ERC2: variants seen among roughly 807,000 people sequenced by gnomAD.
The protein encoded by ERC2 is ELKS/RAB6-interacting/CAST family member 2.
ERC2 carries 42 observed loss-of-function variants against 114.8 expected under a neutral mutation model. The ratio of observed to expected loss-of-function variants is 0.37; its 90% CI spans 0.29 to 0.47. ERC2 has a LOEUF of 0.47. ERC2 is among the 20% of genes least tolerant of loss of function. The probability of loss-of-function intolerance (pLI) is 0.99; values close to 1 mark genes in which losing one functional copy is unlikely to be tolerated. For missense variants in ERC2, 939 were observed against 1,150.7 expected, an observed-to-expected ratio of 0.82 and a Z score of 2.66; for synonymous variants, 454 against 425.5, an observed-to-expected ratio of 1.07 and a Z score of -0.82.
intron 6 of ERC2, among the ~76,000 whole-genome samples, chr3:56,084,290 C>T (rs79219495): frequency 0.019 from 2,898 of 152,160 alleles, 98 homozygotes; most frequent in African/African-American, 0.067. Context: ...AAAACCTCTA[C>T]GGAAAACAAC....
At chr3:55,682,102 A>G (rs1021149785) in intron 17 of ERC2, among the ~76,000 whole-genome samples, 6 of 152,230 alleles carry the variant, frequency 3.9e-5, no homozygotes, top group Non-Finnish European at 7.3e-5. Flanking sequence ...TTTTAACGCT[A>G]TAAAACGCTT....
At chr3:55,989,932 C>G (rs571353579) in intron 11 of ERC2, among the ~76,000 whole-genome samples, 1 of 152,296 alleles carries the variant, frequency 6.6e-6, no homozygotes, top group South Asian at 2.1e-4. Context: ...GAGCAGTGGA[C>G]TAGGAATCAG....
At chr3:55,758,103 T>A (rs2067176825) in intron 14 of ERC2, among the ~76,000 whole-genome samples, 1 of 152,190 alleles carries the variant, frequency 6.6e-6, no homozygotes, top group Non-Finnish European at 1.5e-5. Context: ...AGCAATTTTG[T>A]GAATTGTGCC....
intron 2 of ERC2, among the ~76,000 whole-genome samples, chr3:56,414,370 C>T (rs2061061843): frequency 6.6e-6 from 1 of 152,132 alleles, no homozygotes; most frequent in South Asian, 2.1e-4. Flanking sequence ...AGGCCCTTTC[C>T]CATTTTCTGG....
At chr3:56,353,399 C>A (rs2058623358) in intron 2 of ERC2, among the ~76,000 whole-genome samples, 1 of 151,850 alleles carries the variant, frequency 6.6e-6, no homozygotes, top group Admixed American at 6.6e-5. Context: ...CCAAAAGGAA[C>A]CAACCCAAAT....
chr3:55,992,128 C>T lies in ERC2; in HGVS notation c.2184G>A (p.Arg728=), dbSNP rs759811771. The stretch of plus-strand genomic sequence containing the variant: ...CCACCTCCTTGAGGATCTCCAGCAA[C>T]CGGTCCACTTCCGCTTGGGCCTTGC... ...ECGKAQAEVD[R]LLEILKEVEN... is the part of the protein sequence containing the mutation. Residue 728 remains arginine (R), a synonymous_variant, in exon 11 of 18, where the codon CGG becomes CGA. Coordinates refer to ENST00000288221, the MANE Select transcript of ERC2 (RefSeq NM_015576.3). The T allele has an allele frequency of 7.6e-5, 123 of 1,613,874 alleles. No homozygotes were observed. Among genetic ancestry groups the T allele is most frequent in the Non-Finnish European group, 1.0e-4 (122 of 1,179,916 alleles).
chr3:55,898,440 T>C (rs896421899), intron 13 of ERC2, among the ~76,000 whole-genome samples: 6 of 152,194 alleles, frequency 3.9e-5, no homozygotes, highest in African/African-American at 1.2e-4. Context: ...TCAGAAAGCC[T>C]AGGTCCCCAT....
At chr3:56,367,762 A>G (rs1250260737) in intron 2 of ERC2, among the ~76,000 whole-genome samples, 1 of 152,160 alleles carries the variant, frequency 6.6e-6, no homozygotes, top group Non-Finnish European at 1.5e-5. Flanking sequence ...AATCCTGAAT[A>G]GCAAAAGCTA....
chr3:56,183,314 C>G (rs2083392143), intron 3 of ERC2, among the ~76,000 whole-genome samples: 1 of 152,198 alleles, frequency 6.6e-6, no homozygotes, highest in Non-Finnish European at 1.5e-5. Context: ...TTTAAATTTA[C>G]CCTCTAGAGT....
At chr3:55,704,042 G>A (rs1205594585) in intron 15 of ERC2, among the ~76,000 whole-genome samples, 1 of 152,166 alleles carries the variant, frequency 6.6e-6, no homozygotes, top group African/African-American at 2.4e-5. Flanking sequence ...GGGAGCAGGA[G>A]CCTTTAGAAA....
chr3:56,198,043 T>C (rs1349645378), intron 3 of ERC2, among the ~76,000 whole-genome samples: 1 of 152,132 alleles, frequency 6.6e-6, no homozygotes, highest in Non-Finnish European at 1.5e-5. Context: ...ACACACATGT[T>C]GCATGCATAC....
At position 55,604,412 on chromosome 3, in the gene ERC2, T is replaced by G. The variant is rs987842131; in HGVS notation, c.*39+79382A>C. ...AGAGTAGCTTAGGAATATTTTATAA[T>G]GTGAAAAAAATACTTCAGTGTCCAA... On this transcript the variant is annotated intron_variant, in intron 17 of 17. Transcript: ENST00000288221. 2.0e-5 allele frequency among the ~76,000 whole-genome samples: 3 copies of G among 152,164 alleles called. 1 individual carries two copies. The South Asian group carries it at 6.2e-4, about 32-fold the overall frequency.
chr3:55,846,749 G>A (rs903133918), intron 14 of ERC2, among the ~76,000 whole-genome samples: 3 of 149,918 alleles, frequency 2.0e-5, no homozygotes, highest in Non-Finnish European at 4.4e-5. Context: ...GGTTACGTCT[G>A]CATTATGTGT....
intron 17 of ERC2, among the ~76,000 whole-genome samples, chr3:55,575,974 G>T (rs2056959094): frequency 6.6e-6 from 1 of 152,122 alleles, no homozygotes; most frequent in Non-Finnish European, 1.5e-5. Flanking sequence ...TTGCTTAAAG[G>T]TCACACAGTT....
chr3:56,430,786 C>A (rs1201759437), intron 2 of ERC2, among the ~76,000 whole-genome samples: 1 of 152,154 alleles, frequency 6.6e-6, no homozygotes, highest in African/African-American at 2.4e-5. Flanking sequence ...GAAACCCTGT[C>A]TCAAAATAAT....
intron 7 of ERC2, among the ~76,000 whole-genome samples, chr3:56,023,545 T>C (rs140508985): frequency 1.7e-3 from 262 of 152,266 alleles, no homozygotes; most frequent in Non-Finnish European, 3.1e-3. Context: ...AGCACACTCC[T>C]TGCCTCCTTC....
chr3:55,798,826 A>C (rs2070736363), intron 14 of ERC2, among the ~76,000 whole-genome samples: 1 of 152,148 alleles, frequency 6.6e-6, no homozygotes, highest in African/African-American at 2.4e-5. Context: ...ATAGACCTAC[A>C]CTAAAAGAAT....
At chr3:56,255,064 G>A (rs138216075) in intron 3 of ERC2, among the ~76,000 whole-genome samples, 190 of 152,254 alleles carry the variant, frequency 1.2e-3, no homozygotes, top group South Asian at 2.5e-3. Context: ...ATCCCCTAGT[G>A]GAGAATAAAG....
At chr3:55,816,359 A>G (rs2059904620) in intron 14 of ERC2, among the ~76,000 whole-genome samples, 1 of 152,212 alleles carries the variant, frequency 6.6e-6, no homozygotes, top group Non-Finnish European at 1.5e-5. Context: ...CTTAGTGAAT[A>G]TGAGTGTGAG....
Sources: allele counts gnomAD v4.1 joint callset (sites outside exome capture counted in the v4.1 genomes callset), GRCh38; gene constraint gnomAD v4.1.1; transcripts MANE v1.5; gene names NCBI Gene and HGNC (gene_info 2026-07-23, HGNC 2026-07-21).